Variants in TEP1 observed in about 807,000 individuals in gnomAD.
TEP1 encodes the protein telomerase protein component 1.
TEP1 carries 241 observed loss-of-function variants against 306.3 expected under a neutral mutation model. That is an observed-to-expected ratio of 0.79 (90% CI 0.71 to 0.88). The LOEUF (loss-of-function observed/expected upper bound fraction) is 0.88. Among genes scored for constraint, TEP1 ranks in the 40% least tolerant of loss-of-function variants. TEP1 has a pLI of 0.00. For synonymous variants in TEP1, 1,289 were observed against 1,305.5 expected (o/e 0.99, Z 0.27); for missense variants, 3,051 against 3,276.1 (o/e 0.93, Z 1.68).
In TEP1 at chr14:20,382,654, T is replaced by C; in HGVS notation, c.4109A>G (p.Asp1370Gly). The change falls in exon 28 of 55, where the codon GAT (aspartate) becomes GGT (glycine). Residue 1370 changes from aspartate to glycine, a missense_variant. Asp to Gly is a moderately conservative substitution (Grantham distance 94, BLOSUM62 -1). Coordinates refer to ENST00000262715, the MANE Select transcript of TEP1 (RefSeq NM_007110.5). Reference protein sequence around the residue: ...GRPLYLRLVTDHLRLFTLYEQ... With the variant: ...GRPLYLRLVTGHLRLFTLYEQ... ...ATACAGCGTGAAGAGCCTCAGGTGA[T>C]CGGTGACCAAGCGCAGGTAGAGCGG... is the stretch of plus-strand genomic sequence containing the variant. 6.2e-7 allele frequency: 1 copy of C among 1,614,022 alleles called. No individual in the cohort carries two copies. Among genetic ancestry groups the C allele is most frequent in the South Asian group, 1.1e-5 (1 of 91,072 alleles).
chr14:20,390,535 A>C (rs1877609564), intron 15 of TEP1, 146 bp downstream of exon 15: 1 of 732,570 alleles, frequency 1.4e-6, no homozygotes, highest in Non-Finnish European at 2.3e-6. Context: ...GCAGCACACC[A>C]CTGGGTAGGG....
chr14:20,389,401 T>C, intron 16 of TEP1, 104 bp from the exon 17 acceptor site: 3 of 1,458,822 alleles, frequency 2.1e-6, no homozygotes, highest in East Asian at 2.3e-5. Context: ...GCACCTTTAA[T>C]AGGGTTATGT....
chr14:20,382,644 C>T lies in TEP1; in HGVS notation c.4119G>A (p.Arg1373=). 3.7e-6 allele frequency: 6 copies of T among 1,614,062 alleles called. No individual in the cohort carries two copies. Among genetic ancestry groups the T allele is most frequent in the Non-Finnish European group, 5.1e-6 (6 of 1,179,984 alleles). ...TGACCTGCTCATACAGCGTGAAGAG[C>T]CTCAGGTGATCGGTGACCAAGCGCA... ...LYLRLVTDHL[R]LFTLYEQVSE... is the part of the protein sequence containing the mutation. Residue 1373 remains arginine, a synonymous_variant, in exon 28 of 55, where the codon AGG becomes AGA. Transcript: ENST00000262715.
Position 20,395,916 on chromosome 14 carries a change from TG to T in TEP1, c.1692del (p.Phe564LeufsTer28). 6.2e-7 allele frequency: 1 copy of T among 1,614,104 alleles called. No homozygotes were observed. Among genetic ancestry groups the T allele is most frequent in the South Asian group, 1.1e-5 (1 of 91,068 alleles). On this transcript the variant is annotated frameshift_variant, in exon 11 of 55. Transcript: ENST00000262715. LOFTEE classifies it high-confidence loss of function. ...ATGGCATCATGGGCGTTAAGAAATC[TG>T]AATGGAAACTGCCGACTGTGGATCA... Reference protein sequence around the residue: ...KSVIHSRQFPFRFLNAHDAID... With the variant: ...KSVIHSRQFPXRFLNAHDAID...
intron 3 of TEP1, 132 bp downstream of exon 3, chr14:20,406,101 A>T: frequency 1.5e-6 from 1 of 686,792 alleles, no homozygotes; most frequent in Non-Finnish European, 2.4e-6. Flanking sequence ...GGGGATTAGG[A>T]AGTGAGAAAT....
In TEP1 at chr14:20,381,259, G is replaced by A; in HGVS notation, c.4647+54C>T. ...GATGGTAACGGGGAGAGGGGTCTCA[G>A]AGCAACCAAAGCACTCACTTTGGGA... On this transcript the variant is annotated intron_variant, in intron 32 of 54. Coordinates refer to ENST00000262715, the MANE Select transcript of TEP1 (RefSeq NM_007110.5). The surrounding 1 kb of genome is among the most constrained non-coding windows in gnomAD (Gnocchi z 4.0). The A allele has an allele frequency of 6.4e-7, 1 of 1,570,562 alleles. No homozygotes were observed. The highest frequency in any genetic ancestry group is 8.8e-7 in the Non-Finnish European group (1 of 1,140,440).
intron 1 of TEP1, among the ~76,000 whole-genome samples, chr14:20,412,749 G>A (rs555989745): frequency 9.2e-4 from 123 of 133,080 alleles, no homozygotes; most frequent in Non-Finnish European, 1.5e-3. Flanking sequence ...ATCTCTGCCT[G>A]CCGAGTTCAA....
chr14:20,387,566 A>G (rs1303127169), intron 18 of TEP1, among the ~76,000 whole-genome samples: 1 of 148,084 alleles, frequency 6.8e-6, no homozygotes. Flanking sequence ...AAAAAAAGAA[A>G]TTAAGCAACT....
chr14:20,393,085 T>A (rs940352598), intron 12 of TEP1, among the ~76,000 whole-genome samples: 1 of 151,672 alleles, frequency 6.6e-6, no homozygotes. Context: ...GGCGTGGTGG[T>A]GGGTGCCTGC....
intron 7 of TEP1, among the ~76,000 whole-genome samples, chr14:20,401,932 T>C (rs528129649): frequency 1.3e-5 from 2 of 152,298 alleles, no homozygotes; most frequent in African/African-American, 4.8e-5. Flanking sequence ...ACTAAGACTC[T>C]TAATAGATAA....
At position 20,367,064 on chromosome 14, in the gene TEP1, T is replaced by C. The variant is rs1884507914; in HGVS notation, c.*1373A>G. Reference sequence around the variant, plus strand: ...TCCATATGATTGAATTTTAGAAATATAATAAAGTTCTTTTATGGGCCGGGC... The same window carrying C: ...TCCATATGATTGAATTTTAGAAATACAATAAAGTTCTTTTATGGGCCGGGC... On this transcript the variant is annotated 3_prime_UTR_variant, in exon 55 of 55. Coordinates refer to ENST00000262715, the MANE Select transcript of TEP1 (RefSeq NM_007110.5). The C allele has an allele frequency of 6.6e-6, 1 of 152,200 alleles. No homozygotes were observed. The highest frequency in any genetic ancestry group is 2.4e-5 in the African/African-American group (1 of 41,446). 9.4% of individuals were successfully genotyped at this position (152,200 alleles called of 1,614,324 possible). A position where few individuals can be genotyped will look rare whatever the true frequency, so the allele number is the denominator to read the frequency against.
At chr14:20,394,747 G>T (rs568409336) in intron 12 of TEP1, among the ~76,000 whole-genome samples, 1 of 152,212 alleles carries the variant, frequency 6.6e-6, no homozygotes, top group Non-Finnish European at 1.5e-5. Flanking sequence ...ACCTGCCTCG[G>T]CCTCCCAAAG....
At position 20,395,268 on chromosome 14, in the gene TEP1, C is replaced by T. The variant is rs529152071; in HGVS notation, c.1928+182G>A. On this transcript the variant is annotated intron_variant, in intron 12 of 54. Coordinates refer to ENST00000262715, the MANE Select transcript of TEP1 (RefSeq NM_007110.5). Reference sequence around the variant, plus strand: ...CCAGGAGTAGACTTTGTTTCATGATCTCTCTTTAGGACAATGTTAAAGACA... The same window carrying T: ...CCAGGAGTAGACTTTGTTTCATGATTTCTCTTTAGGACAATGTTAAAGACA... Among the ~76,000 whole-genome samples, 6 of 152,296 alleles carry T rather than the reference C, an allele frequency of 3.9e-5. No homozygotes were observed. In the South Asian group the frequency reaches 1.2e-3, roughly 32 times the overall value.
Position 20,408,064 on chromosome 14 carries a change from G to T in TEP1, c.376C>A (p.Pro126Thr), listed in dbSNP as rs1254985175. ...GATATCTGTAGACTCTGGAACAAGG[G>T]GCTGGCAGACACAGTGCTCTTTAGA... ...SSLKSTVSAS[P>T]LFQSLQISHM... The change falls in exon 2 of 55, where the codon CCC becomes ACC. Residue 126 changes from proline to threonine, a missense_variant. By Grantham distance (38) the Pro-to-Thr change is conservative. This residue lies in a region of TEP1 where 1,507 missense variants were observed against 1,550.5 expected (regional missense o/e 0.97). Transcript: ENST00000262715. 6.2e-7 allele frequency: 1 copy of T among 1,614,166 alleles called. No homozygotes were observed. Among genetic ancestry groups the T allele is most frequent in the Non-Finnish European group, 8.5e-7 (1 of 1,180,022 alleles).
Position 20,371,649 on chromosome 14 carries a change from C to T in TEP1, c.7077-17G>A. 1 of 1,556,384 alleles carries T rather than the reference C, an allele frequency of 6.4e-7. No homozygotes were observed. The highest frequency in any genetic ancestry group is 8.6e-7 in the Non-Finnish European group (1 of 1,159,644). ...AGGTGAAGACTAGCTCAAAAAAGTA[C>T]ATGGACAGAGAAAGATCCTATTTTA... On this transcript the variant is annotated splice_polypyrimidine_tract_variant and intron_variant, in intron 49 of 54. Transcript: ENST00000262715.
At chr14:20,374,376 G>T (rs1043624055) in intron 44 of TEP1, 53 bp downstream of exon 44, 57 of 1,338,104 alleles carry the variant, frequency 4.3e-5, no homozygotes, top group Non-Finnish European at 5.0e-5. Flanking sequence ...GTCTCCCAAA[G>T]CCCCCTTAGC....
At chr14:20,387,481 G>A (rs1474565505) in intron 18 of TEP1, among the ~76,000 whole-genome samples, 1 of 149,178 alleles carries the variant, frequency 6.7e-6, no homozygotes, top group African/African-American at 2.5e-5. Flanking sequence ...GAACCCAGGA[G>A]GCAGAGCTTG....
Position 20,380,055 on chromosome 14 carries a change from T to C in TEP1, c.5004-2A>G. On this transcript the variant is annotated splice_acceptor_variant, in intron 34 of 54. Coordinates refer to ENST00000262715, the MANE Select transcript of TEP1 (RefSeq NM_007110.5). LOFTEE classifies it high-confidence loss of function. ...GAAACTGCCAGAGACAGGCTGGAGC[T>C]AGAGAAAGAGTAGGAAGAAAGGGAG... 1 of 1,608,738 alleles carries C rather than the reference T, an allele frequency of 6.2e-7. No individual in the cohort carries two copies. The highest frequency in any genetic ancestry group is 8.5e-7 in the Non-Finnish European group (1 of 1,178,576).
Position 20,371,245 on chromosome 14 carries a change from G to A in TEP1, c.7290C>T (p.Pro2430=). The change falls in exon 51 of 55, where the codon CCC becomes CCT. Residue 2430 remains proline, a synonymous_variant. Transcript: ENST00000262715. ...HKEYGIFVLQ[P]KDPGVLSFLR... ...AGAAAGAAAGAACTCCAGGATCCTT[G>A]GGCTGCAGGACAAATATGCCATACT... 4 of 1,614,132 alleles carry A rather than the reference G, an allele frequency of 2.5e-6. No homozygotes were observed. In the East Asian group the frequency reaches 8.9e-5, roughly 36 times the overall value.
Sources: gnomAD v4.1 joint callset for allele counts (sites outside exome capture counted in the v4.1 genomes callset) on GRCh38, gnomAD v4.1.1 for gene constraint, gnomAD v4.1.1 regional missense constraint, Gnocchi (gnomAD v3.1) non-coding constraint, MANE v1.5 for transcripts, NCBI Gene and HGNC (gene_info 2026-07-23, HGNC 2026-07-21) for gene names.